SLC9C1: variants seen among roughly 807,000 people sequenced by gnomAD.
The protein encoded by SLC9C1 is sodium/hydrogen exchanger 10.
In SLC9C1, 97 loss-of-function variants were observed where a neutral mutation model predicts 140.9. That is an observed-to-expected ratio of 0.69 (90% confidence interval 0.58 to 0.82). The LOEUF is 0.82. SLC9C1 is among the 40% of genes least tolerant of loss of function. The pLI is 0.00. For synonymous variants in SLC9C1, 440 were observed against 442.6 expected (o/e 0.99, Z 0.07); for missense variants, 1,340 against 1,389.3 (o/e 0.96, Z 0.56).
Position 112,160,136 on chromosome 3 carries a change from CTCTTTCTT to C in SLC9C1, c.3365-5095_3365-5088del, listed in dbSNP as rs764984568. Among the ~76,000 whole-genome samples, 177 of 151,376 alleles carry C rather than the reference CTCTTTCTT, an allele frequency of 1.2e-3. 1 individual carries two copies. Among genetic ancestry groups the C allele is most frequent in the Non-Finnish European group, 8.9e-4 (60 of 67,742 alleles). On this transcript the variant is annotated intron_variant, in intron 26 of 28. Coordinates refer to ENST00000305815, the MANE Select transcript of SLC9C1 (RefSeq NM_183061.3). Reference sequence around the variant, plus strand: ...GTTTTCTAGTTGTTTTGTAACTATTCTCTTTCTTTCTTCCTTTCTTACTATCTTCCATT... The same window carrying C: ...GTTTTCTAGTTGTTTTGTAACTATTCTCTTCCTTTCTTACTATCTTCCATT...
intron 28 of SLC9C1, among the ~76,000 whole-genome samples, chr3:112,143,162 T>C (rs2172314): frequency 0.28 from 43,219 of 151,956 alleles, 6,303 homozygotes; most frequent in East Asian, 0.36. Flanking sequence ...TGATTCCATG[T>C]CTTTGCTATT....
chr3:112,235,675 T>C (rs1384207985), intron 12 of SLC9C1, among the ~76,000 whole-genome samples: 1 of 152,214 alleles, frequency 6.6e-6, no homozygotes, highest in African/African-American at 2.4e-5. Flanking sequence ...GTTTTTAGCA[T>C]GAAGGGCTGT....
chr3:112,200,092 C>T (rs1388584800), intron 19 of SLC9C1, among the ~76,000 whole-genome samples: 1 of 152,094 alleles, frequency 6.6e-6, no homozygotes, highest in Non-Finnish European at 1.5e-5. Flanking sequence ...TCCAGGTTTG[C>T]TGTGTCCTTT....
intron 27 of SLC9C1, 141 bp downstream of exon 27, chr3:112,154,856 A>G (rs1412771978): frequency 7.0e-6 from 5 of 713,804 alleles, no homozygotes; most frequent in Admixed American, 2.8e-5. Context: ...CAGTGCTAAA[A>G]TAAGTGTTTT....
At chr3:112,220,773 A>T (rs928602457) in intron 14 of SLC9C1, among the ~76,000 whole-genome samples, 1 of 152,232 alleles carries the variant, frequency 6.6e-6, no homozygotes, top group Non-Finnish European at 1.5e-5. Context: ...TGGAGGGATT[A>T]AGGAAGGCTT....
At chr3:112,237,925 A>G (rs1158702108) in intron 12 of SLC9C1, among the ~76,000 whole-genome samples, 1 of 151,976 alleles carries the variant, frequency 6.6e-6, no homozygotes, top group Non-Finnish European at 1.5e-5. Context: ...GAATCTGACA[A>G]TTATGTGTCT....
rs2079821323 is a variant in SLC9C1, at chr3:112,263,069, A to C, written c.1052T>G (p.Val351Gly). The C allele has an allele frequency of 6.3e-7, 1 of 1,582,614 alleles. No individual in the cohort carries two copies. Among genetic ancestry groups the C allele is most frequent in the Non-Finnish European group, 8.6e-7 (1 of 1,169,554 alleles). ...GAACTCATGACCAACTCGAGACAAA[A>C]CAGGGCTTATTAAAAGAAGGGTCAG... ...RFLTLLLISP[V>G]LSRVGHEFSW... is the part of the protein sequence containing the mutation. The change falls in exon 10 of 29, where the codon GTT (valine) becomes GGT (glycine). Residue 351 changes from valine (V) to glycine (G), a missense_variant. Transcript: ENST00000305815.
chr3:112,250,993 G>A (rs2079439698), intron 10 of SLC9C1, among the ~76,000 whole-genome samples: 1 of 152,098 alleles, frequency 6.6e-6, no homozygotes, highest in Admixed American at 6.6e-5. Flanking sequence ...CAAGCAAAAT[G>A]CCCATCAATT....
chr3:112,194,698 A>C (rs1259320272), intron 20 of SLC9C1, among the ~76,000 whole-genome samples: 1 of 152,184 alleles, frequency 6.6e-6, no homozygotes, highest in African/African-American at 2.4e-5. Flanking sequence ...CTTTTTTGAG[A>C]AAGTGCCATA....
At chr3:112,173,414 G>T (rs917920015) in intron 23 of SLC9C1, among the ~76,000 whole-genome samples, 6 of 151,608 alleles carry the variant, frequency 4.0e-5, no homozygotes, top group Non-Finnish European at 5.9e-5. Flanking sequence ...GTAGTTTTTT[G>T]ATCCTTACCT....
At chr3:112,152,199 C>T (rs1032732870) in intron 27 of SLC9C1, among the ~76,000 whole-genome samples, 17 of 152,128 alleles carry the variant, frequency 1.1e-4, no homozygotes, top group African/African-American at 3.9e-4. Context: ...TGATCACTAT[C>T]TCTACCATCT....
At chr3:112,183,661 A>C (rs1295551606) in intron 20 of SLC9C1, among the ~76,000 whole-genome samples, 2 of 127,824 alleles carry the variant, frequency 1.6e-5, no homozygotes, top group African/African-American at 6.2e-5. Flanking sequence ...CAAGCAGGGT[A>C]TTCACGCATG....
At chr3:112,266,410 T>A in intron 7 of SLC9C1, 70 bp from the exon 8 acceptor site, 2 of 1,203,712 alleles carry the variant, frequency 1.7e-6, no homozygotes, top group Non-Finnish European at 2.3e-6. Context: ...TTACCCGAGT[T>A]AAAAGTATCA....
chr3:112,164,203 T>G (rs994700828), intron 26 of SLC9C1, among the ~76,000 whole-genome samples: 4 of 151,712 alleles, frequency 2.6e-5, no homozygotes, highest in Non-Finnish European at 5.9e-5. Context: ...TACAGCACAC[T>G]GATGGGTCTT....
chr3:112,165,636 G>C (rs77082184), intron 26 of SLC9C1, among the ~76,000 whole-genome samples: 1 of 152,186 alleles, frequency 6.6e-6, no homozygotes, highest in African/African-American at 2.4e-5. Context: ...TGGAAGTTTT[G>C]TCTCAGAGGA....
intron 11 of SLC9C1, among the ~76,000 whole-genome samples, chr3:112,243,584 C>T (rs1270144405): frequency 6.6e-6 from 1 of 152,088 alleles, no homozygotes; most frequent in East Asian, 1.9e-4. Flanking sequence ...ATCTGTACCT[C>T]AAACCTCAGC....
chr3:112,183,370 T>TC (rs1560039729), intron 20 of SLC9C1, among the ~76,000 whole-genome samples: 1 of 128,848 alleles, frequency 7.8e-6, no homozygotes. Flanking sequence ...TTTTTTTTTT[T>TC]CAGCCAATCA....
chr3:112,178,504 T>A (rs1001715007), intron 23 of SLC9C1, among the ~76,000 whole-genome samples: 1 of 152,132 alleles, frequency 6.6e-6, no homozygotes, highest in Non-Finnish European at 1.5e-5. Context: ...CATTCTAAAT[T>A]TAGCTGATTA....
At chr3:112,223,568 CAAAT>C (rs1412021325) in intron 13 of SLC9C1, among the ~76,000 whole-genome samples, 3 of 151,542 alleles carry the variant, frequency 2.0e-5, no homozygotes, top group African/African-American at 4.9e-5. Context: ...GCTTATCAAA[CAAAT>C]AAACAAAGAA....
Sources: gnomAD v4.1 joint callset for allele counts (sites outside exome capture counted in the v4.1 genomes callset) on GRCh38, gnomAD v4.1.1 for gene constraint, MANE v1.5 for transcripts, NCBI Gene and HGNC (gene_info 2026-07-23, HGNC 2026-07-21) for gene names.